Variants in PEX14 observed in about 807,000 individuals in gnomAD.
PEX14 encodes the protein peroxisomal biogenesis factor 14.
A neutral mutation model predicts 49.5 loss-of-function variants in PEX14; 15 were observed. The ratio of observed to expected loss-of-function variants is 0.30; its 90% CI spans 0.20 to 0.47. The LOEUF (loss-of-function observed/expected upper bound fraction) is 0.47, where lower values mean the gene tolerates loss of function less well. PEX14 is among the 20% of genes least tolerant of loss of function. The probability of loss-of-function intolerance (pLI) is 1.00; values close to 1 mark genes in which losing one functional copy is unlikely to be tolerated. For missense variants in PEX14, 398 were observed against 494.8 expected, an observed-to-expected ratio of 0.80 and a Z score of 1.86; for synonymous variants, 210 against 212.7, an observed-to-expected ratio of 0.99 and a Z score of 0.11.
chr1:10,581,002 A>G (rs1360994057), intron 3 of PEX14, among the ~76,000 whole-genome samples: 1 of 152,078 alleles, frequency 6.6e-6, no homozygotes, highest in Non-Finnish European at 1.5e-5. Context: ...GCTTTTAACC[A>G]CTATGTTATG....
At chr1:10,592,716 T>G (rs1640705313) in intron 3 of PEX14, among the ~76,000 whole-genome samples, 1 of 152,210 alleles carries the variant, frequency 6.6e-6, no homozygotes, top group Non-Finnish European at 1.5e-5. Context: ...ACAGAAACTT[T>G]CGATCTTGGT....
rs1337084727 is a variant in PEX14 at position 10,629,977 on chromosome 1, A to G, written c.1124A>G (p.Glu375Gly). 1 of 1,609,098 alleles carries G rather than the reference A, an allele frequency of 6.2e-7. No individual in the cohort carries two copies. Among genetic ancestry groups the G allele is most frequent in the Admixed American group, 1.7e-5 (1 of 59,782 alleles). ...RRPEGASNESERD is the reference protein window; with the variant it reads ...RRPEGASNESGRD The stretch of plus-strand genomic sequence containing the variant: ...CCCGAGGGCGCCAGCAACGAGAGTG[A>G]GCGGGACTAGGGCTGCGCCTGCTGC... Residue 375 changes from glutamate to glycine, a missense_variant, in exon 9 of 9, where the codon GAG becomes GGG. Physicochemically the swap from Glu to Gly is moderately conservative, Grantham distance 98 (BLOSUM62 -2). Around this residue, in one of 3 missense-constraint regions of PEX14, gnomAD observed 140 missense variants for 155.5 expected, o/e 0.90. Coordinates refer to ENST00000356607, the MANE Select transcript of PEX14 (RefSeq NM_004565.3). The surrounding 1 kb of genome is among the most constrained non-coding windows in gnomAD (Gnocchi z 8.5).
chr1:10,618,205 G>A (rs554930632), intron 4 of PEX14, 127 bp from the exon 5 acceptor site: 25 of 715,942 alleles, frequency 3.5e-5, no homozygotes, highest in East Asian at 8.1e-5. Context: ...GCCTTCCTGC[G>A]TTGGAGTGTT....
chr1:10,625,577 T>C (rs1188520074), intron 7 of PEX14, among the ~76,000 whole-genome samples: 1 of 152,168 alleles, frequency 6.6e-6, no homozygotes, highest in East Asian at 1.9e-4. Context: ...TGCCACCTGC[T>C]CTTCCTCCTG....
Position 10,514,094 on chromosome 1 carries a change from AAAG to A in PEX14, c.84+18779_84+18781del, listed in dbSNP as rs1322326939. 6.7e-5 allele frequency among the ~76,000 whole-genome samples: 10 copies of A among 150,264 alleles called. No individual in the cohort carries two copies. The highest frequency in any genetic ancestry group is 1.7e-4 in the African/African-American group (7 of 40,566). ...GGTAATGAGTAGCCAAAAAAGAAAA[AAAG>A]AAGAAAGAAAAGAAGGAAATAGAAA... On this transcript the variant is annotated intron_variant, in intron 2 of 8. Transcript: ENST00000356607. This position sits in a 1 kb window ranked among gnomAD's most constrained non-coding sequence, Gnocchi z 4.4.
chr1:10,540,749 G>T (rs984563881), intron 3 of PEX14, among the ~76,000 whole-genome samples: 3 of 152,136 alleles, frequency 2.0e-5, no homozygotes, highest in Admixed American at 6.5e-5. Flanking sequence ...CAGATAGCTT[G>T]GGGGGAGGGC....
chr1:10,593,339 T>C (rs531065232), intron 3 of PEX14, among the ~76,000 whole-genome samples: 1 of 152,274 alleles, frequency 6.6e-6, no homozygotes, highest in East Asian at 1.9e-4. Flanking sequence ...TTTGAAATAA[T>C]GTTTCTGCCT....
intron 3 of PEX14, among the ~76,000 whole-genome samples, chr1:10,580,199 A>G (rs2124567758): frequency 6.6e-6 from 1 of 152,248 alleles, no homozygotes; most frequent in African/African-American, 2.4e-5. Context: ...AGCACAAAGG[A>G]CAGAAGGGGT....
intron 7 of PEX14, among the ~76,000 whole-genome samples, chr1:10,626,720 C>T (rs2124644894): frequency 6.6e-6 from 1 of 152,382 alleles, no homozygotes; most frequent in Middle Eastern, 3.4e-3. Context: ...TGGCATTGTC[C>T]TCTGTGCACA....
At chr1:10,575,308 A>G (rs772832549) in intron 3 of PEX14, among the ~76,000 whole-genome samples, 1 of 152,202 alleles carries the variant, frequency 6.6e-6, no homozygotes, top group Admixed American at 6.5e-5. Flanking sequence ...TTAAAAACGC[A>G]TAGTTGAAGA....
At chr1:10,588,069 G>A (rs1294971461) in intron 3 of PEX14, among the ~76,000 whole-genome samples, 1 of 151,446 alleles carries the variant, frequency 6.6e-6, no homozygotes, top group African/African-American at 2.4e-5. Context: ...CTAAAAATAC[G>A]AAAAAATTAG....
intron 3 of PEX14, among the ~76,000 whole-genome samples, chr1:10,588,778 G>A (rs1472907826): frequency 6.6e-6 from 1 of 152,038 alleles, no homozygotes; most frequent in Non-Finnish European, 1.5e-5. Context: ...AGTGATGCTG[G>A]CAATTCAGAT....
rs1638572430 is a variant in PEX14 at position 10,529,097 on chromosome 1, T to C, written c.85-7116T>C. The stretch of plus-strand genomic sequence containing the variant: ...GCATCAAAAATTAGAGGGGCTGCTA[T>C]CTAAATTCAGGTGGGGATGCGTGGG... On this transcript the variant is annotated intron_variant, in intron 2 of 8. Transcript: ENST00000356607. The surrounding 1 kb of genome is among the most constrained non-coding windows in gnomAD (Gnocchi z 4.2). Among the ~76,000 whole-genome samples the C allele has an allele frequency of 6.6e-6, 1 of 152,210 alleles. No homozygotes were observed. The highest frequency in any genetic ancestry group is 2.1e-4 in the South Asian group (1 of 4,828).
intron 3 of PEX14, among the ~76,000 whole-genome samples, chr1:10,552,959 G>A (rs1392762075): frequency 6.6e-6 from 1 of 152,202 alleles, no homozygotes; most frequent in Admixed American, 6.5e-5. Context: ...GCGAGAGATC[G>A]AGGAGACAGC....
At chr1:10,578,886 G>A (rs1024175361) in intron 3 of PEX14, among the ~76,000 whole-genome samples, 4 of 152,096 alleles carry the variant, frequency 2.6e-5, no homozygotes, top group Non-Finnish European at 5.9e-5. Context: ...GAAGTATGGA[G>A]AGGAAAAATA....
chr1:10,525,539 G>A (rs1407697163), intron 2 of PEX14, among the ~76,000 whole-genome samples: 1 of 152,216 alleles, frequency 6.6e-6, no homozygotes, highest in Admixed American at 6.5e-5. Context: ...TGCTTGGTGA[G>A]GAAGTTGACT....
In PEX14 at chr1:10,529,697, A is replaced by T. The variant is rs945857976; in HGVS notation, c.85-6516A>T. On this transcript the variant is annotated intron_variant, in intron 2 of 8. Transcript: ENST00000356607. The surrounding 1 kb of genome is among the most constrained non-coding windows in gnomAD (Gnocchi z 4.2). ...GTTTTAAGAGAGACTAGGGTCAATA[A>T]TGCATGCTTTAGAATTCCCTAAATA... is the stretch of plus-strand genomic sequence containing the variant. 6.6e-6 allele frequency among the ~76,000 whole-genome samples: 1 copy of T among 152,234 alleles called. No homozygotes were observed. The highest frequency in any genetic ancestry group is 1.5e-5 in the Non-Finnish European group (1 of 68,032).
chr1:10,495,229 T>C lies in PEX14; in HGVS notation c.37-45T>C, dbSNP rs1452056226. On this transcript the variant is annotated intron_variant, in intron 1 of 8. Transcript: ENST00000356607. The surrounding 1 kb of genome is among the most constrained non-coding windows in gnomAD (Gnocchi z 4.2). ...ACATCTTTGGTTTTTTGATGTCCAT[T>C]GGGTGGCACTGTGATCTTATTTTTG... 1 of 1,599,398 alleles carries C rather than the reference T, an allele frequency of 6.3e-7. No homozygotes were observed. Among genetic ancestry groups the C allele is most frequent in the Admixed American group, 1.7e-5 (1 of 59,994 alleles).
At chr1:10,615,503 C>T (rs940927491) in intron 4 of PEX14, among the ~76,000 whole-genome samples, 2 of 152,228 alleles carry the variant, frequency 1.3e-5, no homozygotes, top group South Asian at 4.1e-4. Context: ...GCGTTTGAAT[C>T]GTGCATTGTG....
Sources: allele counts gnomAD v4.1 joint callset (sites outside exome capture counted in the v4.1 genomes callset), GRCh38; gene constraint gnomAD v4.1.1; regional missense constraint gnomAD v4.1.1; non-coding constraint Gnocchi (gnomAD v3.1); transcripts MANE v1.5; gene names NCBI Gene and HGNC (gene_info 2026-07-23, HGNC 2026-07-21).